The following UPP1 variants were observed in gnomAD, a reference collection of about 807,000 sequenced individuals.
UPP1 encodes the protein uridine phosphorylase 1.
Under a neutral mutation model 29.6 loss-of-function variants are expected in UPP1, and 25 were observed. That is an observed-to-expected ratio of 0.85 (90% CI 0.62 to 1.18). The LOEUF (loss-of-function observed/expected upper bound fraction) is 1.18, where lower values mean the gene tolerates loss of function less well. Ranked by LOEUF, UPP1 falls within the 50% of genes most tolerant of loss-of-function variation. The pLI, the probability that UPP1 is intolerant of heterozygous loss-of-function variation, is 0.00. For missense variants in UPP1, 368 were observed against 410.4 expected (o/e 0.90, Z 0.89); for synonymous variants, 165 against 159.8 (o/e 1.03, Z -0.25).
At chr7:48,102,249 A>C (rs1223403656) in intron 5 of UPP1, among the ~76,000 whole-genome samples, 1 of 148,672 alleles carries the variant, frequency 6.7e-6, no homozygotes, top group Non-Finnish European at 1.5e-5. Context: ...GCAGGGAGTT[A>C]GAGTGCTTGG....
intron 2 of UPP1, among the ~76,000 whole-genome samples, chr7:48,094,316 C>T (rs182760264): frequency 3.9e-4 from 59 of 152,216 alleles, no homozygotes; most frequent in African/African-American, 1.4e-3. Flanking sequence ...CAGGTTCAAG[C>T]GATTGTCCTC....
intron 6 of UPP1, chr7:48,105,457 T>TTA (rs2128816870): frequency 6.6e-6 from 1 of 152,352 alleles, no homozygotes; most frequent in South Asian, 2.1e-4. Context: ...TTGGGAGCTC[T>TTA]GGAAAAGATC....
chr7:48,104,883 C>T (rs1294278469), intron 6 of UPP1: 1 of 152,186 alleles, frequency 6.6e-6, no homozygotes, highest in Non-Finnish European at 1.5e-5. Context: ...AAACAATGAT[C>T]AGATAATTCT....
chr7:48,088,824 A>T (rs1791650765), upstream of UPP1: 1 of 152,402 alleles, frequency 6.6e-6, no homozygotes, highest in African/African-American at 2.4e-5. Context: ...GGCCACCGCC[A>T]GACAGACAGA....
rs1386021828 is a variant in UPP1 at position 48,108,554 on chromosome 7, A to G, written c.*197A>G. 5 of 609,112 alleles carry G rather than the reference A, an allele frequency of 8.2e-6. No individual in the cohort carries two copies. Among genetic ancestry groups the G allele is most frequent in the Admixed American group, 7.9e-5 (2 of 25,410 alleles). The allele number at this position is 609,112 out of a possible 1,614,324, so 37.7% of individuals were successfully genotyped here. A position where few individuals can be genotyped will look rare whatever the true frequency, so the allele number is the denominator to read the frequency against. On this transcript the variant is annotated 3_prime_UTR_variant, in exon 9 of 9. Transcript: ENST00000395564. Reference sequence around the variant, plus strand: ...TTGAAGTTTCATTGGAGCATTTTCAATGATGTTAGCCTGATTTGGGGTTTC... The same window carrying G: ...TTGAAGTTTCATTGGAGCATTTTCAGTGATGTTAGCCTGATTTGGGGTTTC...
chr7:48,091,782 AAG>A (rs1453832765), intron 2 of UPP1, among the ~76,000 whole-genome samples: 4 of 152,140 alleles, frequency 2.6e-5, no homozygotes, highest in African/African-American at 4.8e-5. Flanking sequence ...TGCAAAGGGA[AAG>A]AGAGAGTGAG....
chr7:48,099,063 A>G (rs1792278164), intron 3 of UPP1, among the ~76,000 whole-genome samples: 1 of 152,202 alleles, frequency 6.6e-6, no homozygotes, highest in East Asian at 1.9e-4. Flanking sequence ...TTATGAAGAA[A>G]AGTTTGCTGA....
chr7:48,089,858 A>G (rs1310791442), intron 1 of UPP1, among the ~76,000 whole-genome samples: 1 of 152,178 alleles, frequency 6.6e-6, no homozygotes, highest in Non-Finnish European at 1.5e-5. Context: ...GGGAACCCCT[A>G]GAACTATGCT....
In UPP1 at chr7:48,099,669, GT is replaced by G; in HGVS notation, c.45del (p.Asn15LysfsTer8). 6.2e-7 allele frequency: 1 copy of G among 1,604,272 alleles called. No homozygotes were observed. Among genetic ancestry groups the G allele is most frequent in the South Asian group, 1.1e-5 (1 of 90,866 alleles). On this transcript the variant is annotated frameshift_variant and splice_region_variant, in exon 4 of 9. Transcript: ENST00000395564. LOFTEE classifies it high-confidence loss of function. The part of the protein sequence containing the change: ...GANAEKAESH[N>X]DCPVRLLNPN... ...CCTTCCACTTTCTTGTTTTTTAACA[GT>G]GATTGCCCCGTCAGACTTTTAAATC...
At chr7:48,105,689 T>C (rs6944892) in intron 6 of UPP1, 7,850 of 152,344 alleles carry the variant, frequency 0.052, 442 homozygotes, top group African/African-American at 0.14. Flanking sequence ...AACTTTCGGA[T>C]TCATAGAGCT....
At chr7:48,093,925 C>T (rs1363543155) in intron 2 of UPP1, among the ~76,000 whole-genome samples, 2 of 152,110 alleles carry the variant, frequency 1.3e-5, no homozygotes, top group East Asian at 1.9e-4. Context: ...TTTGGGAGGC[C>T]GAGGCTGGTG....
At position 48,103,312 on chromosome 7, in the gene UPP1, CCTT is replaced by C. The variant is rs1199752485; in HGVS notation, c.340_342del (p.Ser114del). 4 of 1,613,626 alleles carry C rather than the reference CCTT, an allele frequency of 2.5e-6. No homozygotes were observed. The African/African-American group carries it at 4.0e-5, about 16-fold the overall frequency. The stretch of plus-strand genomic sequence containing the variant: ...CTGGTTCCAGCATGGTATGGGCATT[CCTT>C]CTATCTCAATCATGTTGCATGAGCT... On this transcript the variant is annotated inframe_deletion, in exon 6 of 9. Coordinates refer to ENST00000395564, the MANE Select transcript of UPP1 (RefSeq NM_003364.4).
In UPP1 at chr7:48,108,435, A is replaced by C; in HGVS notation, c.*78A>C. 6.7e-7 allele frequency: 1 copy of C among 1,488,786 alleles called. No homozygotes were observed. Among genetic ancestry groups the C allele is most frequent in the South Asian group, 1.3e-5 (1 of 75,188 alleles). The allele number at this position is 1,488,786 out of a possible 1,614,324, so 92.2% of individuals were successfully genotyped here. ...TTGTCCAAAATCCCCTGTTGTGTGG[A>C]CTTTGAGCACACTTTACACAAGAAT... On this transcript the variant is annotated 3_prime_UTR_variant, in exon 9 of 9. Coordinates refer to ENST00000395564, the MANE Select transcript of UPP1 (RefSeq NM_003364.4).
At chr7:48,099,444 C>T (rs1562653254) in intron 3 of UPP1, among the ~76,000 whole-genome samples, 3 of 152,156 alleles carry the variant, frequency 2.0e-5, no homozygotes, top group Admixed American at 6.5e-5. Flanking sequence ...TGTTGCCCTC[C>T]AAACAGAGCC....
intron 7 of UPP1, 123 bp from the exon 8 acceptor site, chr7:48,107,238 C>A (rs1792806020): frequency 2.8e-6 from 4 of 1,416,034 alleles, no homozygotes; most frequent in Non-Finnish European, 2.9e-6. Flanking sequence ...TTTGAGTGGT[C>A]ATTATAGGCA....
chr7:48,105,258 C>T (rs1056916089), intron 6 of UPP1: 1 of 152,244 alleles, frequency 6.6e-6, no homozygotes, highest in Admixed American at 6.5e-5. Flanking sequence ...GTGGGTTCAC[C>T]AAGGCATCAG....
intron 4 of UPP1, 54 bp from the exon 5 acceptor site, chr7:48,101,770 A>C: frequency 6.4e-7 from 1 of 1,564,012 alleles, no homozygotes; most frequent in Non-Finnish European, 8.7e-7. Context: ...GCCCCACTTG[A>C]GGACCTCTGC....
chr7:48,090,500 T>G (rs529193412), intron 2 of UPP1, 136 bp downstream of exon 2: 3 of 152,486 alleles, frequency 2.0e-5, no homozygotes, highest in Non-Finnish European at 4.4e-5. Context: ...CCCTGTTTCC[T>G]TTCCCCACTG....
chr7:48,098,449 TAA>T (rs1387036267), intron 3 of UPP1, among the ~76,000 whole-genome samples: 1 of 152,298 alleles, frequency 6.6e-6, no homozygotes, highest in East Asian at 1.9e-4. Flanking sequence ...CAGAGATATA[TAA>T]GACGTGGTCA....
Sources: allele counts gnomAD v4.1 joint callset (sites outside exome capture counted in the v4.1 genomes callset), GRCh38; gene constraint gnomAD v4.1.1; transcripts MANE v1.5; gene names NCBI Gene and HGNC (gene_info 2026-07-23, HGNC 2026-07-21).